Variants in LRRC56 observed in about 807,000 individuals in gnomAD.
The protein encoded by LRRC56 is leucine rich repeat containing 56.
LRRC56 carries 41 observed loss-of-function variants against 47.8 expected under a neutral mutation model. That is an observed-to-expected ratio of 0.86 (90% CI 0.67 to 1.11). The LOEUF is 1.11. LRRC56 is among the 50% of genes most tolerant of loss of function. LRRC56 has a pLI of 0.00. For missense variants in LRRC56, 759 were observed against 704.2 expected (o/e 1.08, Z -0.88); for synonymous variants, 387 against 311.2 (o/e 1.24, Z -2.56).
intron 5 of LRRC56, among the ~76,000 whole-genome samples, chr11:543,761 T>TC (rs1851923713): frequency 6.6e-6 from 1 of 152,052 alleles, no homozygotes; most frequent in Non-Finnish European, 1.5e-5. Context: ...CTTTTATTTT[T>TC]TTTTTGAGAC....
chr11:534,397 A>G, upstream of LRRC56: 1 of 1,238,318 alleles, frequency 8.1e-7, no homozygotes, highest in Non-Finnish European at 1.2e-6. Context: ...GGCCCTGCTC[A>G]GCCAGGCCCA....
chr11:551,028 CTG>C (rs1491104843), intron 8 of LRRC56, 101 bp from the exon 9 acceptor site: 8 of 682,516 alleles, frequency 1.2e-5, no homozygotes, highest in African/African-American at 1.1e-4. Flanking sequence ...GGCCCCTGCC[CTG>C]CCCCACGGTG....
At chr11:534,741 G>A (rs1386974506), upstream of LRRC56, among the ~76,000 whole-genome samples, 1 of 152,254 alleles carries the variant, frequency 6.6e-6, no homozygotes, top group Non-Finnish European at 1.5e-5. Flanking sequence ...GGCCACGGCG[G>A]AGCGCGCCAC....
In LRRC56 at chr11:541,548, C is replaced by A; in HGVS notation, c.189C>A (p.Ala63=). Residue 63 remains alanine (A), a synonymous_variant, in exon 5 of 14, where the codon GCC becomes GCA. Transcript: ENST00000270115. This position sits in a 1 kb window ranked among gnomAD's most constrained non-coding sequence, Gnocchi z 4.1. ...YLSPARLQAL[A]RVDDLRLVRT... is the part of the protein sequence containing the mutation. ...GTTGGTTTCTACAGCAGGCCCTGGC[C>A]CGGGTGGATGACCTTCGGCTGGTGA... 2 of 1,577,892 alleles carry A rather than the reference C, an allele frequency of 1.3e-6. No homozygotes were observed. Among genetic ancestry groups the A allele is most frequent in the South Asian group, 1.2e-5 (1 of 86,682 alleles).
In LRRC56 at chr11:554,161, C is replaced by G; in HGVS notation, c.1514C>G (p.Ala505Gly). Residue 505 changes from alanine to glycine, a missense_variant, in exon 14 of 14, where the codon GCC becomes GGC. Transcript: ENST00000270115. ...AVPVLRALEVASRLSPRAQGC... is the reference protein window; with the variant it reads ...AVPVLRALEVGSRLSPRAQGC... ...CCTGTCCTGAGAGCCCTGGAGGTGG[C>G]CTCACGCCTGAGCCCTCGAGCCCAG... is the stretch of plus-strand genomic sequence containing the variant. 2 of 1,595,010 alleles carry G rather than the reference C, an allele frequency of 1.3e-6. No homozygotes were observed. The highest frequency in any genetic ancestry group is 1.7e-6 in the Non-Finnish European group (2 of 1,172,348).
upstream of LRRC56, chr11:532,850 G>A (rs913451183): frequency 2.0e-5 from 25 of 1,262,854 alleles, no homozygotes; most frequent in East Asian, 4.4e-4. Context: ...TGCCTGGCCC[G>A]AAGCTCCCGA....
chr11:537,773 C>T (rs1589799855), intron 1 of LRRC56, among the ~76,000 whole-genome samples, 168 bp downstream of exon 1: 2 of 152,312 alleles, frequency 1.3e-5, no homozygotes, highest in East Asian at 3.9e-4. Context: ...ACCCTTGCCT[C>T]CACCACCCCC....
rs771973665 is a variant in LRRC56, at chr11:549,866, G to T, written c.327-36G>T. ...GCAGGTGGTGGCTGAGCACAGGGCT[G>T]GGCACATGTTGACCACCAAACCCTG... On this transcript the variant is annotated intron_variant, in intron 6 of 13. Transcript: ENST00000270115. 2.8e-5 allele frequency: 44 copies of T among 1,579,792 alleles called. No individual in the cohort carries two copies. In the African/African-American group the frequency reaches 5.7e-4, roughly 20 times the overall value.
At chr11:507,536 A>G in the LRRC56 span, among the ~76,000 whole-genome samples, 1 of 151,948 alleles carries the variant, frequency 6.6e-6, no homozygotes, top group Non-Finnish European at 1.5e-5. Flanking sequence ...CGCAAGTCTC[A>G]GCAATTCCTG....
upstream of LRRC56, chr11:533,961 C>A (rs1367688831): frequency 1.2e-6 from 2 of 1,607,778 alleles, no homozygotes; most frequent in Non-Finnish European, 1.7e-6. Flanking sequence ...GAGGACAGGG[C>A]TCAGGGACCC....
At chr11:545,193 A>C (rs576915844) in intron 6 of LRRC56, among the ~76,000 whole-genome samples, 1 of 152,270 alleles carries the variant, frequency 6.6e-6, no homozygotes, top group African/African-American at 2.4e-5. Context: ...CACCTCACTC[A>C]GAGCTGGGGC....
the LRRC56 span, among the ~76,000 whole-genome samples, chr11:528,216 G>A: frequency 3.3e-5 from 5 of 152,222 alleles, no homozygotes; most frequent in East Asian, 5.8e-4. Context: ...TCGCTGTGGC[G>A]GACTCTCAGC....
chr11:530,970 G>C, the LRRC56 span, among the ~76,000 whole-genome samples: 23 of 46,590 alleles, frequency 4.9e-4, no homozygotes, highest in African/African-American at 3.0e-3. Flanking sequence ...GTCCCCTGGA[G>C]AGAAGGGCCA....
intron 6 of LRRC56, among the ~76,000 whole-genome samples, chr11:547,388 C>T (rs1380817552): frequency 2.0e-5 from 3 of 151,094 alleles, no homozygotes; most frequent in Non-Finnish European, 4.4e-5. Flanking sequence ...GAGTCTCACT[C>T]CGTTGCCCAG....
At chr11:509,648 A>C in the LRRC56 span, among the ~76,000 whole-genome samples, 50,565 of 151,444 alleles carry the variant, frequency 0.33, 8,531 homozygotes, top group African/African-American at 0.38. Flanking sequence ...CCCAGGTTCA[A>C]GCCATTCTCC....
At chr11:549,109 G>A (rs1462990354) in intron 6 of LRRC56, among the ~76,000 whole-genome samples, 1 of 152,166 alleles carries the variant, frequency 6.6e-6, no homozygotes, top group African/African-American at 2.4e-5. Context: ...TGAAAACACA[G>A]TGGGCGGAAT....
chr11:542,594 A>C (rs867174738), intron 5 of LRRC56, among the ~76,000 whole-genome samples: 6 of 149,348 alleles, frequency 4.0e-5, no homozygotes, highest in Admixed American at 3.3e-4. Context: ...AAAAAAAAAA[A>C]AAAAAAAAAA....
chr11:526,571 A>G, the LRRC56 span, among the ~76,000 whole-genome samples: 1 of 152,210 alleles, frequency 6.6e-6, no homozygotes, highest in African/African-American at 2.4e-5. Context: ...TCCAGTCGTA[A>G]CAGGCAAGAT....
At position 550,249 on chromosome 11, in the gene LRRC56, C is replaced by A; in HGVS notation, c.601C>A (p.Pro201Thr). ...TLEGNLVCLQ[P>T]APGPTNKVPR... Reference sequence around the variant, plus strand: ...GGAGGGCAACCTGGTGTGCCTACAGCCGGCCCCTGGCCCCACCAACAAGGT... The same window carrying A: ...GGAGGGCAACCTGGTGTGCCTACAGACGGCCCCTGGCCCCACCAACAAGGT... Residue 201 changes from proline (P) to threonine (T), a missense_variant, in exon 8 of 14, where the codon CCG becomes ACG. Physicochemically the swap from Pro to Thr is conservative, Grantham distance 38. Coordinates refer to ENST00000270115, the MANE Select transcript of LRRC56 (RefSeq NM_198075.4). 1.2e-6 allele frequency: 2 copies of A among 1,604,860 alleles called. No individual in the cohort carries two copies. Among genetic ancestry groups the A allele is most frequent in the South Asian group, 1.1e-5 (1 of 90,188 alleles).
Sources: gnomAD v4.1 joint callset for allele counts (sites outside exome capture counted in the v4.1 genomes callset) on GRCh38, gnomAD v4.1.1 for gene constraint, Gnocchi (gnomAD v3.1) non-coding constraint, MANE v1.5 for transcripts, NCBI Gene and HGNC (gene_info 2026-07-23, HGNC 2026-07-21) for gene names.